AMBRA1: variants seen among roughly 807,000 people sequenced by gnomAD.
AMBRA1 encodes the protein autophagy and beclin 1 regulator 1.
In AMBRA1, 47 loss-of-function variants were observed where a neutral mutation model predicts 125.4. The ratio of observed to expected loss-of-function variants is 0.37; its 90% CI spans 0.30 to 0.48. AMBRA1 has a LOEUF of 0.48. Among genes scored for constraint, AMBRA1 ranks in the 20% least tolerant of loss-of-function variants. The pLI is 0.99. For synonymous variants in AMBRA1, 626 were observed against 655.5 expected, an observed-to-expected ratio of 0.95 and a Z score of 0.69; for missense variants, 1,331 against 1,693.4, an observed-to-expected ratio of 0.79 and a Z score of 3.76.
chr11:46,547,215 A>T lies in AMBRA1; in HGVS notation c.276T>A (p.Ile92=), dbSNP rs2042852621. The change falls in exon 4 of 18, where the codon ATT becomes ATA. Residue 92 remains isoleucine, a synonymous_variant. Coordinates refer to ENST00000683756, the MANE Select transcript of AMBRA1 (RefSeq NM_001387011.1). ...CACACCATGGAGTACGGCGGTGTCCAATCAGGGAATGAACACACTTGCCAG... is the reference window on the plus strand; with the variant it reads ...CACACCATGGAGTACGGCGGTGTCCTATCAGGGAATGAACACACTTGCCAG... ...VKTGKCVHSL[I]GHRRTPWCVT... is the part of the protein sequence containing the mutation. The T allele has an allele frequency of 1.2e-6, 2 of 1,614,056 alleles. No homozygotes were observed. The highest frequency in any genetic ancestry group is 1.3e-5 in the African/African-American group (1 of 74,920).
intron 1 of AMBRA1, among the ~76,000 whole-genome samples, chr11:46,589,528 A>G (rs2044516675): frequency 6.6e-6 from 1 of 152,336 alleles, no homozygotes; most frequent in South Asian, 2.1e-4. Context: ...AGGCTGAGGC[A>G]TATCTTAGAA....
At chr11:46,409,914 C>G (rs1468153208) in intron 16 of AMBRA1, among the ~76,000 whole-genome samples, 2 of 152,234 alleles carry the variant, frequency 1.3e-5, no homozygotes, top group Admixed American at 1.3e-4. Flanking sequence ...CCCTGGGCAG[C>G]TTGGTCCCTG....
At chr11:46,445,856 G>A (rs1565167105) in intron 11 of AMBRA1, among the ~76,000 whole-genome samples, 1 of 152,200 alleles carries the variant, frequency 6.6e-6, no homozygotes, top group Non-Finnish European at 1.5e-5. Flanking sequence ...CTAAGAGAGG[G>A]TAGAAAATAA....
chr11:46,566,777 T>C (rs549926965), intron 1 of AMBRA1, among the ~76,000 whole-genome samples: 1 of 152,338 alleles, frequency 6.6e-6, no homozygotes, highest in South Asian at 2.1e-4. Flanking sequence ...CCCTTGGTCA[T>C]TCCTGTGCGT....
At chr11:46,474,340 G>A (rs920656191) in intron 11 of AMBRA1, among the ~76,000 whole-genome samples, 1 of 152,056 alleles carries the variant, frequency 6.6e-6, no homozygotes, top group South Asian at 2.1e-4. Flanking sequence ...TGATCAATAC[G>A]AACAGGTCTA....
At chr11:46,404,663 G>A (rs369464689) in intron 17 of AMBRA1, among the ~76,000 whole-genome samples, 317 of 152,276 alleles carry the variant, frequency 2.1e-3, no homozygotes, top group African/African-American at 7.4e-3. Context: ...TGCTGCTCCC[G>A]CTGACCAGAG....
intron 1 of AMBRA1, among the ~76,000 whole-genome samples, chr11:46,585,253 C>T (rs1396718122): frequency 1.3e-5 from 2 of 151,982 alleles, no homozygotes; most frequent in Non-Finnish European, 2.9e-5. Flanking sequence ...AACCAGAGAC[C>T]TTTGTTCACT....
intron 9 of AMBRA1, among the ~76,000 whole-genome samples, chr11:46,502,843 G>A (rs962260854): frequency 7.9e-5 from 12 of 151,952 alleles, no homozygotes; most frequent in Middle Eastern, 3.2e-3. Context: ...GGCAGATCAC[G>A]AGGTCAGGAG....
intron 11 of AMBRA1, among the ~76,000 whole-genome samples, chr11:46,451,118 T>C (rs1345245381): frequency 2.0e-5 from 3 of 152,236 alleles, no homozygotes; most frequent in Admixed American, 6.5e-5. Context: ...ATATCTATCA[T>C]ATAACCACAG....
intron 7 of AMBRA1, among the ~76,000 whole-genome samples, chr11:46,517,129 C>T (rs1951525054): frequency 6.7e-6 from 1 of 149,776 alleles, no homozygotes; most frequent in Non-Finnish European, 1.5e-5. Flanking sequence ...TCATAACACA[C>T]ATGGATTACT....
chr11:46,508,930 A>G (rs1281970464), intron 8 of AMBRA1, among the ~76,000 whole-genome samples: 2 of 152,230 alleles, frequency 1.3e-5, no homozygotes, highest in South Asian at 2.1e-4. Flanking sequence ...CCTCCTTAGC[A>G]TGATCTCTTG....
At chr11:46,580,762 A>G (rs1209589313) in intron 1 of AMBRA1, among the ~76,000 whole-genome samples, 1 of 151,940 alleles carries the variant, frequency 6.6e-6, no homozygotes, top group Non-Finnish European at 1.5e-5. Flanking sequence ...ACCCCTCCCC[A>G]CAATGTACCC....
At chr11:46,577,121 A>G (rs1306836997) in intron 1 of AMBRA1, among the ~76,000 whole-genome samples, 1 of 152,220 alleles carries the variant, frequency 6.6e-6, no homozygotes, top group African/African-American at 2.4e-5. Context: ...CTACCTAGGT[A>G]TATTCCTAAA....
At position 46,577,809 on chromosome 11, in the gene AMBRA1, G is replaced by T. The variant is rs372916033; in HGVS notation, c.-121+16019C>A. On this transcript the variant is annotated intron_variant, in intron 1 of 17. Transcript: ENST00000683756. ...CTACTAAAAGTACAAAATGTGCCGG[G>T]CATCGTGGTGCATGCCTATAATCCC... 4.6e-5 allele frequency among the ~76,000 whole-genome samples: 7 copies of T among 152,120 alleles called. No homozygotes were observed. In the South Asian group the frequency reaches 8.3e-4, roughly 18 times the overall value.
intron 1 of AMBRA1, among the ~76,000 whole-genome samples, chr11:46,576,648 A>G (rs2043970344): frequency 6.6e-6 from 1 of 152,180 alleles, no homozygotes; most frequent in African/African-American, 2.4e-5. Flanking sequence ...TACATCCTTT[A>G]TGTTGCAATT....
rs977523606 is a variant in AMBRA1, at chr11:46,454,509, G to A, written c.2522-10911C>T. 1.1e-4 allele frequency among the ~76,000 whole-genome samples: 17 copies of A among 150,178 alleles called. No homozygotes were observed. In the East Asian group the frequency reaches 3.2e-3, roughly 28 times the overall value. On this transcript the variant is annotated intron_variant, in intron 11 of 17. Transcript: ENST00000683756. The stretch of plus-strand genomic sequence containing the variant: ...CCAGCACTTTGGGAGGCCAAGGCAG[G>A]TGGATCACGAGGTCAGGAGATCGAG...
At chr11:46,423,255 T>A (rs1335425070) in intron 14 of AMBRA1, among the ~76,000 whole-genome samples, 1 of 152,224 alleles carries the variant, frequency 6.6e-6, no homozygotes, top group African/African-American at 2.4e-5. Context: ...AATGAATTAT[T>A]GAGTTTCTTC....
At chr11:46,505,535 C>T (rs1951000672) in intron 9 of AMBRA1, among the ~76,000 whole-genome samples, 1 of 152,172 alleles carries the variant, frequency 6.6e-6, no homozygotes, top group South Asian at 2.1e-4. Flanking sequence ...CCAGAAGGGA[C>T]TTTCCAAGGA....
chr11:46,588,494 G>A (rs2044478498), intron 1 of AMBRA1, among the ~76,000 whole-genome samples: 1 of 151,810 alleles, frequency 6.6e-6, no homozygotes, highest in Non-Finnish European at 1.5e-5. Flanking sequence ...TATTATGATG[G>A]GCCGGGCACG....
Sources: gnomAD v4.1 joint callset for allele counts (sites outside exome capture counted in the v4.1 genomes callset) on GRCh38, gnomAD v4.1.1 for gene constraint, MANE v1.5 for transcripts, NCBI Gene and HGNC (gene_info 2026-07-23, HGNC 2026-07-21) for gene names.